The following USP48 variants were observed in gnomAD, a reference collection of about 807,000 sequenced individuals.
USP48 encodes ubiquitin specific peptidase 48.
USP48 carries 43 observed loss-of-function variants against 150.7 expected under a neutral mutation model. That is an observed-to-expected ratio of 0.29 (90% CI 0.22 to 0.37). The LOEUF (loss-of-function observed/expected upper bound fraction) is 0.37, where lower values mean the gene tolerates loss of function less well. USP48 is among the 10% of genes least tolerant of loss of function. The pLI is 1.00. For missense variants in USP48, 813 were observed against 1,249.6 expected, an observed-to-expected ratio of 0.65 and a Z score of 5.27; for synonymous variants, 396 against 425.9, an observed-to-expected ratio of 0.93 and a Z score of 0.86.
intron 5 of USP48, among the ~76,000 whole-genome samples, chr1:21,751,915 G>A (rs2097815620): frequency 6.6e-6 from 1 of 151,634 alleles, no homozygotes; most frequent in Non-Finnish European, 1.5e-5. Context: ...CTACTCGGGA[G>A]GCTGAGGCAG....
chr1:21,738,259 T>C (rs943164143), intron 8 of USP48, among the ~76,000 whole-genome samples: 3 of 151,902 alleles, frequency 2.0e-5, no homozygotes, highest in Non-Finnish European at 4.4e-5. Flanking sequence ...GGTTTCACCA[T>C]GTTGGCCAGG....
chr1:21,696,379 G>T (rs1209743144), intron 22 of USP48, among the ~76,000 whole-genome samples: 1 of 152,182 alleles, frequency 6.6e-6, no homozygotes. Flanking sequence ...CGGAGGCTGC[G>T]GTGAGCCGAG....
At chr1:21,747,487 G>A (rs184378663) in intron 7 of USP48, among the ~76,000 whole-genome samples, 6 of 152,144 alleles carry the variant, frequency 3.9e-5, no homozygotes, top group Non-Finnish European at 8.8e-5. Flanking sequence ...TTCCCATGGC[G>A]GGGGTGTAAT....
intron 15 of USP48, among the ~76,000 whole-genome samples, chr1:21,712,293 A>T (rs760499977): frequency 2.0e-5 from 3 of 152,190 alleles, no homozygotes; most frequent in Non-Finnish European, 4.4e-5. Flanking sequence ...CAGAAGGTGG[A>T]GGTTGTAGTG....
At chr1:21,773,029 C>A (rs2097886379) in intron 1 of USP48, among the ~76,000 whole-genome samples, 1 of 150,966 alleles carries the variant, frequency 6.6e-6, no homozygotes, top group African/African-American at 2.4e-5. Flanking sequence ...GAGGCTGAGG[C>A]AGGCGGATCA....
At chr1:21,731,613 G>A (rs1190728045) in intron 9 of USP48, among the ~76,000 whole-genome samples, 1 of 149,406 alleles carries the variant, frequency 6.7e-6, no homozygotes, top group Non-Finnish European at 1.5e-5. Flanking sequence ...AGGTGCGGTG[G>A]CTCATGCCTG....
At chr1:21,704,456 C>A in intron 19 of USP48, 64 bp from the exon 20 acceptor site, 2 of 1,505,120 alleles carry the variant, frequency 1.3e-6, no homozygotes, top group Non-Finnish European at 1.8e-6. Flanking sequence ...TAACATAATC[C>A]ATTAGTCTGC....
In USP48 at chr1:21,751,269, A is replaced by G. The variant is rs969092086; in HGVS notation, c.774+238T>C. On this transcript the variant is annotated intron_variant, in intron 6 of 26. Coordinates refer to ENST00000308271, the MANE Select transcript of USP48 (RefSeq NM_032236.8). ...CCACTACCCACAATCACAGAATAAT[A>G]TCTTCTCACACATACATAACTTTAC... 2.6e-5 allele frequency among the ~76,000 whole-genome samples: 4 copies of G among 152,210 alleles called. No homozygotes were observed. In the South Asian group the frequency reaches 6.2e-4, roughly 24 times the overall value.
At chr1:21,772,356 G>C (rs1427591667) in intron 1 of USP48, among the ~76,000 whole-genome samples, 1 of 152,182 alleles carries the variant, frequency 6.6e-6, no homozygotes, top group Non-Finnish European at 1.5e-5. Flanking sequence ...GGGCATGGTG[G>C]GTCATGCCTG....
rs61410306 is a variant in USP48, at chr1:21,739,518, C to CAAA, written c.992-2896_992-2894dup. Among the ~76,000 whole-genome samples, 196 of 66,314 alleles carry CAAA rather than the reference C, an allele frequency of 3.0e-3. 9 individuals carry two copies. Among genetic ancestry groups the CAAA allele is most frequent in the African/African-American group, 0.011 (176 of 15,364 alleles). The allele number at this position is 66,314 out of a possible 152,430, so 43.5% of individuals were successfully genotyped here. On this transcript the variant is annotated intron_variant, in intron 8 of 26. Coordinates refer to ENST00000308271, the MANE Select transcript of USP48 (RefSeq NM_032236.8). Reference sequence around the variant, plus strand: ...TGGAAAACAAGGCAAGACTCCGTCTCAAAAAAAAAAAAAAAAAAAAAAAAA... The same window carrying CAAA: ...TGGAAAACAAGGCAAGACTCCGTCTCAAAAAAAAAAAAAAAAAAAAAAAAAAAA...
At chr1:21,709,945 T>C in intron 15 of USP48, among the ~76,000 whole-genome samples, 1 of 152,118 alleles carries the variant, frequency 6.6e-6, no homozygotes, top group East Asian at 1.9e-4. Context: ...ATTACTACCA[T>C]AGTAGTTGTT....
intron 3 of USP48, among the ~76,000 whole-genome samples, chr1:21,753,413 G>A (rs1191141821): frequency 6.6e-6 from 1 of 151,888 alleles, no homozygotes; most frequent in South Asian, 2.1e-4. Flanking sequence ...ATATTAGCCG[G>A]GTGTGGTGGT....
At chr1:21,702,273 G>A (rs1052943162) in intron 21 of USP48, among the ~76,000 whole-genome samples, 2 of 152,038 alleles carry the variant, frequency 1.3e-5, no homozygotes, top group Non-Finnish European at 2.9e-5. Flanking sequence ...TCTAAAAAAT[G>A]TGTTTGGAAA....
chr1:21,763,316 ACC>A (rs1374971780), intron 1 of USP48, among the ~76,000 whole-genome samples: 1 of 152,136 alleles, frequency 6.6e-6, no homozygotes, highest in Non-Finnish European at 1.5e-5. Flanking sequence ...ATAGACTACC[ACC>A]CCAGGCCAAA....
chr1:21,695,241 T>G lies in USP48; in HGVS notation c.2728-20A>C. 5.1e-6 allele frequency: 8 copies of G among 1,580,936 alleles called. No homozygotes were observed. Among genetic ancestry groups the G allele is most frequent in the Non-Finnish European group, 6.9e-6 (8 of 1,164,998 alleles). On this transcript the variant is annotated intron_variant, in intron 22 of 26. Coordinates refer to ENST00000308271, the MANE Select transcript of USP48 (RefSeq NM_032236.8). ...ATTGCTCTATAATGAAGATTGGAAATGAAGAAAGCACTGAAATTAACCACA... is the reference window on the plus strand; with the variant it reads ...ATTGCTCTATAATGAAGATTGGAAAGGAAGAAAGCACTGAAATTAACCACA...
intron 23 of USP48, among the ~76,000 whole-genome samples, chr1:21,692,769 G>T (rs573343090): frequency 6.6e-6 from 1 of 152,278 alleles, no homozygotes; most frequent in East Asian, 1.9e-4. Context: ...CGAGCACAGG[G>T]GGACAGTCAG....
chr1:21,782,681 G>A, intron 1 of USP48, 143 bp downstream of exon 1: 1 of 1,300,556 alleles, frequency 7.7e-7, no homozygotes, highest in Non-Finnish European at 1.0e-6. Context: ...CGCGCAGACG[G>A]CGCAAAGGGG....
intron 25 of USP48, among the ~76,000 whole-genome samples, chr1:21,683,233 G>A (rs2097571561): frequency 6.6e-6 from 1 of 152,024 alleles, no homozygotes; most frequent in Non-Finnish European, 1.5e-5. Flanking sequence ...TCAGCCTTTT[G>A]AGACTCCATC....
chr1:21,698,225 C>G (rs1190481053), intron 22 of USP48, among the ~76,000 whole-genome samples: 1 of 152,036 alleles, frequency 6.6e-6, no homozygotes, highest in Non-Finnish European at 1.5e-5. Context: ...GAAGGTTACA[C>G]TTGAGATTTT....
Sources: gnomAD v4.1 joint callset for allele counts (sites outside exome capture counted in the v4.1 genomes callset) on GRCh38, gnomAD v4.1.1 for gene constraint, MANE v1.5 for transcripts, NCBI Gene and HGNC (gene_info 2026-07-23, HGNC 2026-07-21) for gene names.